Variants in GREB1L observed in about 807,000 individuals in gnomAD.
GREB1L encodes the protein GREB1-like protein.
In GREB1L, 17 loss-of-function variants were observed where a neutral mutation model predicts 200.8. The ratio of observed to expected loss-of-function variants is 0.08; its 90% CI spans 0.06 to 0.13. The LOEUF is 0.13. GREB1L is among the 10% of genes least tolerant of loss of function. GREB1L has a pLI of 1.00. For synonymous variants in GREB1L, 789 were observed against 893.0 expected (o/e 0.88, Z 2.08); for missense variants, 1,657 against 2,367.7 (o/e 0.70, Z 6.23).
At chr18:21,301,310 T>TG (rs2038613988) in intron 1 of GREB1L, among the ~76,000 whole-genome samples, 1 of 152,192 alleles carries the variant, frequency 6.6e-6, no homozygotes. Context: ...TTCCTTGAGG[T>TG]GCTGGTATCT....
In GREB1L at chr18:21,327,948, T is replaced by G. The variant is rs1192265531; in HGVS notation, c.-119-38079T>G. ...CCAGAATGGTCTTGATCTCCTGACCTCGTGATCCGCCCGCCTCAGCCTCCC... is the reference window on the plus strand; with the variant it reads ...CCAGAATGGTCTTGATCTCCTGACCGCGTGATCCGCCCGCCTCAGCCTCCC... On this transcript the variant is annotated intron_variant, in intron 1 of 32. Coordinates refer to ENST00000424526, the MANE Select transcript of GREB1L (RefSeq NM_001142966.3). Among the ~76,000 whole-genome samples the G allele has an allele frequency of 2.0e-5, 3 of 152,052 alleles. No individual in the cohort carries two copies. The East Asian group carries it at 5.8e-4, about 29-fold the overall frequency.
intron 4 of GREB1L, among the ~76,000 whole-genome samples, chr18:21,389,415 G>A (rs1275191012): frequency 1.4e-5 from 2 of 141,832 alleles, no homozygotes; most frequent in South Asian, 2.3e-4. Flanking sequence ...TTTTTTAAGG[G>A]AAGGAGGTTA....
intron 1 of GREB1L, among the ~76,000 whole-genome samples, chr18:21,282,305 G>T (rs1406725263): frequency 1.3e-5 from 2 of 152,022 alleles, no homozygotes; most frequent in Non-Finnish European, 2.9e-5. Context: ...TACCTTTCAT[G>T]TCGACAAATT....
intron 1 of GREB1L, among the ~76,000 whole-genome samples, chr18:21,342,856 T>C (rs533564489): frequency 1.3e-5 from 2 of 152,312 alleles, no homozygotes; most frequent in Admixed American, 6.5e-5. Context: ...TGCAAAAATA[T>C]AAATATTTTT....
chr18:21,434,675 T>TA (rs2033426068), intron 7 of GREB1L, among the ~76,000 whole-genome samples: 1 of 151,942 alleles, frequency 6.6e-6, no homozygotes, highest in African/African-American at 2.4e-5. Flanking sequence ...TAGTAATACT[T>TA]ACCTCACAAC....
rs1427058295 is a variant in GREB1L at position 21,312,711 on chromosome 18, G to A, written c.-119-53316G>A. Among the ~76,000 whole-genome samples, 34 of 151,936 alleles carry A rather than the reference G, an allele frequency of 2.2e-4. 1 individual carries two copies. The highest frequency in any genetic ancestry group is 3.4e-4 in the Non-Finnish European group (23 of 67,970). ...TGTGACTACAGGCGCATGCCACCAT[G>A]CCCAACTAATTTTTGTATTTTCAAT... On this transcript the variant is annotated intron_variant, in intron 1 of 32. Coordinates refer to ENST00000424526, the MANE Select transcript of GREB1L (RefSeq NM_001142966.3).
chr18:21,246,959 T>G (rs1232652429), intron 1 of GREB1L, among the ~76,000 whole-genome samples: 1 of 152,206 alleles, frequency 6.6e-6, no homozygotes, highest in East Asian at 1.9e-4. Context: ...GCCCACTGAC[T>G]TGAGTTCTTA....
intron 5 of GREB1L, among the ~76,000 whole-genome samples, chr18:21,397,128 T>C (rs1017667284): frequency 1.3e-5 from 2 of 152,152 alleles, no homozygotes; most frequent in African/African-American, 2.4e-5. Context: ...CCTTAAATTA[T>C]AGCTTAAAGA....
chr18:21,268,520 TATACACACACAC>T (rs1304084927), intron 1 of GREB1L, among the ~76,000 whole-genome samples: 1 of 75,046 alleles, frequency 1.3e-5, no homozygotes, highest in Non-Finnish European at 2.3e-5. Flanking sequence ...TGTATATATA[TATACACACACAC>T]ACACACACAC....
intron 1 of GREB1L, among the ~76,000 whole-genome samples, chr18:21,360,155 A>C (rs1340804282): frequency 6.6e-6 from 1 of 152,212 alleles, no homozygotes; most frequent in Non-Finnish European, 1.5e-5. Context: ...ACTATCAGTC[A>C]TATATTTATT....
chr18:21,425,104 G>T (rs1014074966), intron 7 of GREB1L, among the ~76,000 whole-genome samples: 7 of 152,032 alleles, frequency 4.6e-5, no homozygotes, highest in African/African-American at 1.2e-4. Flanking sequence ...TTTCAGTCAG[G>T]TTGTCCATTA....
intron 7 of GREB1L, among the ~76,000 whole-genome samples, chr18:21,405,037 A>T (rs535362800): frequency 2.3e-4 from 35 of 152,356 alleles, no homozygotes; most frequent in African/African-American, 8.4e-4. Context: ...AGCAGCAGCA[A>T]TGATAATAAG....
intron 13 of GREB1L, 105 bp downstream of exon 13, chr18:21,451,256 CTGATCTTTCAT>C: frequency 8.1e-7 from 1 of 1,234,268 alleles, no homozygotes; most frequent in Non-Finnish European, 1.1e-6. Flanking sequence ...AGCTTGCCAG[CTGATCTTTCAT>C]TTGAAATGGT....
intron 21 of GREB1L, among the ~76,000 whole-genome samples, chr18:21,498,145 A>G (rs1457090281): frequency 2.0e-5 from 3 of 152,008 alleles, no homozygotes; most frequent in African/African-American, 7.2e-5. Context: ...TTGAGCTATC[A>G]TTGAGATCCT....
rs769403508 is a variant in GREB1L, at chr18:21,479,515, CAAG to C, written c.2556+2163_2556+2165del. 1.1e-4 allele frequency among the ~76,000 whole-genome samples: 17 copies of C among 151,862 alleles called. No individual in the cohort carries two copies. In the East Asian group the frequency reaches 2.9e-3, roughly 26 times the overall value. On this transcript the variant is annotated intron_variant, in intron 17 of 32. Transcript: ENST00000424526. The stretch of plus-strand genomic sequence containing the variant: ...GCAACATGGTGAAACCCCATCTCTA[CAAG>C]AAGTATAAAAGTTAGCCAGGCACGG...
intron 2 of GREB1L, among the ~76,000 whole-genome samples, chr18:21,383,036 CTT>C (rs940722721): frequency 7.2e-6 from 1 of 139,316 alleles, no homozygotes; most frequent in Admixed American, 6.8e-5. Flanking sequence ...AACCATAAAA[CTT>C]TCATTTTTTT....
rs1014970209 is a variant in GREB1L, at chr18:21,294,452, AAAT to A, written c.-120+52073_-120+52075del. On this transcript the variant is annotated intron_variant, in intron 1 of 32. Transcript: ENST00000424526. ...ACATGGAAGTGAGACTTTGAAAACA[AAAT>A]AATAATAATAATACAAAGGGTGGGG... 1.1e-4 allele frequency among the ~76,000 whole-genome samples: 16 copies of A among 151,970 alleles called. No homozygotes were observed. The South Asian group carries it at 3.3e-3, about 32-fold the overall frequency.
At chr18:21,302,671 G>T (rs889257829) in intron 1 of GREB1L, among the ~76,000 whole-genome samples, 1 of 152,184 alleles carries the variant, frequency 6.6e-6, no homozygotes, top group Non-Finnish European at 1.5e-5. Context: ...GGTCTGGTCT[G>T]TTGGAGCTTA....
chr18:21,358,852 T>C (rs887773440), intron 1 of GREB1L, among the ~76,000 whole-genome samples: 6 of 152,252 alleles, frequency 3.9e-5, no homozygotes, highest in African/African-American at 1.4e-4. Flanking sequence ...AATGAAAAGA[T>C]AATAACTTCA....
Sources: gnomAD v4.1 joint callset for allele counts (sites outside exome capture counted in the v4.1 genomes callset) on GRCh38, gnomAD v4.1.1 for gene constraint, MANE v1.5 for transcripts, NCBI Gene and HGNC (gene_info 2026-07-23, HGNC 2026-07-21) for gene names.